Variants in CXADR observed in about 807,000 individuals in gnomAD.
CXADR encodes the protein CXADR cell adhesion molecule.
A neutral mutation model predicts 40.3 loss-of-function variants in CXADR; 20 were observed. That is an observed-to-expected ratio of 0.50 (90% CI 0.35 to 0.72). The LOEUF (loss-of-function observed/expected upper bound fraction) is 0.72, where lower values mean the gene tolerates loss of function less well. Ranked by LOEUF, CXADR falls within the 30% of genes least tolerant of loss-of-function variation. CXADR has a pLI of 0.01. For synonymous variants in CXADR, 150 were observed against 161.3 expected, an observed-to-expected ratio of 0.93 and a Z score of 0.53; for missense variants, 332 against 449.1, an observed-to-expected ratio of 0.74 and a Z score of 2.36.
chr21:17,558,968 T>A lies in CXADR; in HGVS notation c.416-8T>A. ...TTATGTAAATTTATAATTTGTTTTC[T>A]CTTTCAGTTAAGCCTTCAGGTGCGA... On this transcript the variant is annotated splice_region_variant and splice_polypyrimidine_tract_variant and intron_variant, in intron 3 of 6. Transcript: ENST00000284878. The A allele has an allele frequency of 6.2e-7, 1 of 1,602,094 alleles. No individual in the cohort carries two copies. The highest frequency in any genetic ancestry group is 8.5e-7 in the Non-Finnish European group (1 of 1,175,024).
intron 6 of CXADR, among the ~76,000 whole-genome samples, chr21:17,564,019 AAAC>A (rs1238098306): frequency 1.4e-5 from 2 of 146,214 alleles, no homozygotes. Flanking sequence ...TGTAAAGAAA[AAAC>A]AAAACAAAAC....
intron 2 of CXADR, among the ~76,000 whole-genome samples, chr21:17,550,207 T>C (rs1446591378): frequency 6.6e-6 from 1 of 151,866 alleles, no homozygotes; most frequent in Non-Finnish European, 1.5e-5. Flanking sequence ...ATACAAAAAT[T>C]AGCAGACGTG....
intron 1 of CXADR, among the ~76,000 whole-genome samples, chr21:17,522,182 C>T (rs2060539293): frequency 6.6e-6 from 1 of 151,102 alleles, no homozygotes; most frequent in South Asian, 2.1e-4. Context: ...GAGTTTTGCT[C>T]TTGTTGCCCA....
chr21:17,628,655 C>G, the CXADR span, among the ~76,000 whole-genome samples: 124 of 152,300 alleles, frequency 8.1e-4, no homozygotes, highest in African/African-American at 2.9e-3. Flanking sequence ...CGCACGCCAC[C>G]ACGCCCAGCT....
intron 7 of CXADR, among the ~76,000 whole-genome samples, chr21:17,585,368 C>G (rs2123391173): frequency 6.6e-6 from 1 of 152,164 alleles, no homozygotes; most frequent in East Asian, 1.9e-4. Context: ...AGAAAACATT[C>G]CATGTTTTCG....
At chr21:17,557,811 A>G (rs1341610844) in intron 3 of CXADR, among the ~76,000 whole-genome samples, 1 of 152,172 alleles carries the variant, frequency 6.6e-6, no homozygotes, top group Admixed American at 6.5e-5. Context: ...AGGGTTTTGG[A>G]GTCCCATCTA....
chr21:17,595,662 T>C (rs1051242163), downstream of CXADR, among the ~76,000 whole-genome samples: 1 of 151,978 alleles, frequency 6.6e-6, no homozygotes, highest in Non-Finnish European at 1.5e-5. Flanking sequence ...AATGGGACAT[T>C]GAGGCTGTTT....
intron 6 of CXADR, among the ~76,000 whole-genome samples, chr21:17,563,717 G>A (rs1036676320): frequency 6.6e-6 from 1 of 151,834 alleles, no homozygotes; most frequent in Non-Finnish European, 1.5e-5. Context: ...CGATATGGGT[G>A]GATCACGAGG....
At chr21:17,623,530 T>C in the CXADR span, among the ~76,000 whole-genome samples, 1 of 152,220 alleles carries the variant, frequency 6.6e-6, no homozygotes, top group African/African-American at 2.4e-5. Context: ...CCCATGGTTT[T>C]GAGTACTGCC....
rs2061217882 is a variant in CXADR at position 17,566,980 on chromosome 21, A to T, written c.*1288A>T. 1.0e-6 allele frequency: 1 copy of T among 975,030 alleles called. No homozygotes were observed. Among genetic ancestry groups the T allele is most frequent in the Non-Finnish European group, 1.2e-6 (1 of 820,818 alleles). The allele number at this position is 975,030 out of a possible 1,614,324, so 60.4% of individuals were successfully genotyped here. A position where few individuals can be genotyped will look rare whatever the true frequency, so the allele number is the denominator to read the frequency against. ...AAAAGAAAGAAAAAGAAAAAAAGAT[A>T]AGAAGGAGGAGTAAAGGGACTACTC... On this transcript the variant is annotated 3_prime_UTR_variant, in exon 7 of 7. Transcript: ENST00000284878.
chr21:17,627,972 A>G, the CXADR span, among the ~76,000 whole-genome samples: 1 of 152,222 alleles, frequency 6.6e-6, no homozygotes, highest in Non-Finnish European at 1.5e-5. Flanking sequence ...GATTTTTTCT[A>G]AAAGCAAGTA....
intron 6 of CXADR, among the ~76,000 whole-genome samples, chr21:17,562,399 G>C (rs2061136463): frequency 1.3e-5 from 2 of 152,168 alleles, no homozygotes; most frequent in African/African-American, 4.8e-5. Context: ...ATGGCCCACT[G>C]CAACCTCTGC....
the CXADR span, among the ~76,000 whole-genome samples, chr21:17,614,883 C>A: frequency 2.0e-5 from 3 of 152,198 alleles, no homozygotes; most frequent in African/African-American, 7.2e-5. Context: ...ACTTGCCCTA[C>A]TCTTGTGTGC....
chr21:17,541,616 G>T (rs1190922841), intron 1 of CXADR, among the ~76,000 whole-genome samples: 1 of 62,662 alleles, frequency 1.6e-5, no homozygotes, highest in Non-Finnish European at 3.1e-5. Flanking sequence ...TGCATCTGTT[G>T]ATTTTTTTTT....
intron 7 of CXADR, among the ~76,000 whole-genome samples, chr21:17,582,541 G>A (rs1228152084): frequency 1.3e-5 from 2 of 152,062 alleles, no homozygotes; most frequent in Non-Finnish European, 2.9e-5. Context: ...GTCTTTTCAT[G>A]TGTTTATCTC....
chr21:17,629,405 A>T, the CXADR span, among the ~76,000 whole-genome samples: 1 of 151,422 alleles, frequency 6.6e-6, no homozygotes, highest in Non-Finnish European at 1.5e-5. Context: ...AAAAAAAAAA[A>T]AATTAAAAAA....
At chr21:17,629,387 C>CA in the CXADR span, among the ~76,000 whole-genome samples, 26,005 of 80,252 alleles carry the variant, frequency 0.32, 3,804 homozygotes, top group African/African-American at 0.46. Context: ...GACTGTGTCT[C>CA]AAAAAAAAAA....
rs995299570 is a variant in CXADR, at chr21:17,516,991, G to A, written c.43+3819G>A. ...AAATACCAAATTTATAAAATAAATTGAGGTGTTTGGATGAAAAAAAATACA... is the reference window on the plus strand; with the variant it reads ...AAATACCAAATTTATAAAATAAATTAAGGTGTTTGGATGAAAAAAAATACA... On this transcript the variant is annotated intron_variant, in intron 1 of 6. Coordinates refer to ENST00000284878, the MANE Select transcript of CXADR (RefSeq NM_001338.5). Among the ~76,000 whole-genome samples, 67 of 152,066 alleles carry A rather than the reference G, an allele frequency of 4.4e-4. 1 individual carries two copies. Among genetic ancestry groups the A allele is most frequent in the African/African-American group, 1.4e-3 (60 of 41,488 alleles).
At position 17,560,801 on chromosome 21, in the gene CXADR, T is replaced by C; in HGVS notation, c.671T>C (p.Leu224Pro). 5.0e-6 allele frequency: 8 copies of C among 1,614,002 alleles called. No individual in the cohort carries two copies. The highest frequency in any genetic ancestry group is 6.8e-6 in the Non-Finnish European group (8 of 1,179,904). The change falls in exon 5 of 7, where the codon CTG (leucine) becomes CCG (proline). Residue 224 changes from leucine to proline, a missense_variant. Around this residue, in one of 3 missense-constraint regions of CXADR, gnomAD observed 150 missense variants for 194.2 expected, o/e 0.77. Coordinates refer to ENST00000284878, the MANE Select transcript of CXADR (RefSeq NM_001338.5). The stretch of plus-strand genomic sequence containing the variant: ...AACAGAGTGGGCTCTGATCAGTGCC[T>C]GTTGCGTCTAAACGTTGTCCCTCGT... ...VRNRVGSDQC[L>P]LRLNVVPPSN...
Sources: allele counts gnomAD v4.1 joint callset (sites outside exome capture counted in the v4.1 genomes callset), GRCh38; gene constraint gnomAD v4.1.1; regional missense constraint gnomAD v4.1.1; transcripts MANE v1.5; gene names NCBI Gene and HGNC (gene_info 2026-07-23, HGNC 2026-07-21).